The following CYP4X1 variants were observed in gnomAD, a reference collection of about 807,000 sequenced individuals.
CYP4X1 encodes cytochrome P450 4X1.
Under a neutral mutation model 57.9 loss-of-function variants are expected in CYP4X1, and 44 were observed. The ratio of observed to expected loss-of-function variants is 0.76; its 90% CI spans 0.60 to 0.98. The LOEUF (loss-of-function observed/expected upper bound fraction) is 0.98, where lower values mean the gene tolerates loss of function less well. CYP4X1 is among the 50% of genes least tolerant of loss of function. The pLI is 0.00. For synonymous variants in CYP4X1, 227 were observed against 228.6 expected (o/e 0.99, Z 0.06); for missense variants, 532 against 623.9 (o/e 0.85, Z 1.57).
chr1:47,016,288 G>A, the CYP4X1 span, among the ~76,000 whole-genome samples: 1 of 151,064 alleles, frequency 6.6e-6, no homozygotes, highest in Non-Finnish European at 1.5e-5. Context: ...AAGATAAGCT[G>A]AACATGCAAA....
intron 8 of CYP4X1, 88 bp downstream of exon 8, chr1:47,039,620 G>A: frequency 9.5e-7 from 1 of 1,055,362 alleles, no homozygotes; most frequent in Non-Finnish European, 1.3e-6. Context: ...TGACCCTAGT[G>A]CCTCAGGATA....
chr1:47,037,849 A>G (rs781225291), intron 6 of CYP4X1, among the ~76,000 whole-genome samples: 1 of 152,194 alleles, frequency 6.6e-6, no homozygotes, highest in African/African-American at 2.4e-5. Context: ...ATTCCTATAT[A>G]TGGTGTGAGG....
At chr1:46,982,363 C>T in the CYP4X1 span, among the ~76,000 whole-genome samples, 1 of 152,186 alleles carries the variant, frequency 6.6e-6, no homozygotes, top group Non-Finnish European at 1.5e-5. Context: ...CCATTTCTTT[C>T]TGTCATCTCA....
the CYP4X1 span, among the ~76,000 whole-genome samples, chr1:46,965,226 G>C: frequency 4.5e-4 from 69 of 152,164 alleles, 2 homozygotes; most frequent in South Asian, 0.013. Flanking sequence ...GCTCATGCTC[G>C]GTGTGCTGCA....
the CYP4X1 span, among the ~76,000 whole-genome samples, chr1:46,974,115 G>T: frequency 6.6e-6 from 1 of 152,016 alleles, no homozygotes; most frequent in East Asian, 1.9e-4. Flanking sequence ...CTCATATGTT[G>T]TATTTTTGTT....
At chr1:46,981,389 C>G in the CYP4X1 span, among the ~76,000 whole-genome samples, 1 of 152,186 alleles carries the variant, frequency 6.6e-6, no homozygotes, top group African/African-American at 2.4e-5. Context: ...AAAAGCTCAT[C>G]ATCACTGGTC....
chr1:46,967,703 T>C, the CYP4X1 span: 1 of 935,382 alleles, frequency 1.1e-6, no homozygotes, highest in Non-Finnish European at 1.5e-6. Flanking sequence ...CCACAATGGT[T>C]AGGGACCCTC....
chr1:46,977,089 C>T, the CYP4X1 span, among the ~76,000 whole-genome samples: 1 of 152,270 alleles, frequency 6.6e-6, no homozygotes, highest in East Asian at 1.9e-4. Context: ...CACAGCTCCT[C>T]ACTAGTAATG....
At chr1:46,997,744 G>A in the CYP4X1 span, among the ~76,000 whole-genome samples, 1 of 152,188 alleles carries the variant, frequency 6.6e-6, no homozygotes, top group African/African-American at 2.4e-5. Flanking sequence ...GCGTTTAATG[G>A]TAGTTCTATT....
At chr1:46,980,001 A>G in the CYP4X1 span, among the ~76,000 whole-genome samples, 1 of 152,218 alleles carries the variant, frequency 6.6e-6, no homozygotes, top group Non-Finnish European at 1.5e-5. Context: ...GCTATTTATG[A>G]CAAACCCACA....
chr1:47,019,333 G>A (rs932753104), upstream of CYP4X1, among the ~76,000 whole-genome samples: 2 of 152,108 alleles, frequency 1.3e-5, no homozygotes, highest in African/African-American at 4.8e-5. Flanking sequence ...GTGGAGGTCT[G>A]GGGAGTTTCT....
the CYP4X1 span, among the ~76,000 whole-genome samples, chr1:46,990,521 A>G: frequency 6.6e-6 from 1 of 152,212 alleles, no homozygotes; most frequent in South Asian, 2.1e-4. Flanking sequence ...AACTAGAAAT[A>G]CCATTTGACC....
chr1:47,048,721 A>T, intron 10 of CYP4X1, 92 bp downstream of exon 10: 1 of 1,200,786 alleles, frequency 8.3e-7, no homozygotes, highest in East Asian at 2.4e-5. Context: ...CTATATAATT[A>T]AGGGAAATGA....
chr1:47,038,513 G>A, intron 6 of CYP4X1, 147 bp from the exon 7 acceptor site: 2 of 470,422 alleles, frequency 4.3e-6, no homozygotes, highest in Middle Eastern at 3.3e-4. Context: ...TCCCTTTGAT[G>A]AGAAAATAAA....
chr1:47,022,585 G>A (rs998634116), upstream of CYP4X1, among the ~76,000 whole-genome samples: 4 of 151,822 alleles, frequency 2.6e-5, no homozygotes, highest in African/African-American at 4.8e-5. Context: ...CACCGCGCCC[G>A]GCCCCCTGGA....
intron 1 of CYP4X1, among the ~76,000 whole-genome samples, chr1:47,026,493 T>G (rs924359356): frequency 6.6e-6 from 1 of 152,346 alleles, no homozygotes; most frequent in Non-Finnish European, 1.5e-5. Context: ...CGCACTTTGG[T>G]ATTTTCCAAG....
chr1:47,037,366 G>A (rs950999605), intron 6 of CYP4X1, among the ~76,000 whole-genome samples: 3 of 150,236 alleles, frequency 2.0e-5, no homozygotes, highest in Non-Finnish European at 4.4e-5. Flanking sequence ...CCACCTCCCA[G>A]GTTCAGGCAA....
chr1:47,002,109 G>A, the CYP4X1 span, among the ~76,000 whole-genome samples: 1 of 152,220 alleles, frequency 6.6e-6, no homozygotes, highest in Non-Finnish European at 1.5e-5. Context: ...TTTAGTGACC[G>A]AGTGAGTGAA....
chr1:47,008,869 A>C, the CYP4X1 span, among the ~76,000 whole-genome samples: 1 of 152,218 alleles, frequency 6.6e-6, no homozygotes, highest in Admixed American at 6.5e-5. Flanking sequence ...AAGAAGAGCT[A>C]ACTATCCTAA....
Sources: allele counts gnomAD v4.1 joint callset (sites outside exome capture counted in the v4.1 genomes callset), GRCh38; gene constraint gnomAD v4.1.1; transcripts MANE v1.5; gene names NCBI Gene and HGNC (gene_info 2026-07-23, HGNC 2026-07-21).